The following GLIPR1L1 variants were observed in gnomAD, a reference collection of about 807,000 sequenced individuals.
The protein encoded by GLIPR1L1 is GLIPR1-like protein 1.
In GLIPR1L1, 26 loss-of-function variants were observed where a neutral mutation model predicts 29.9. The ratio of observed to expected loss-of-function variants is 0.87; its 90% CI spans 0.64 to 1.21. GLIPR1L1 has a LOEUF of 1.21. Among genes scored for constraint, GLIPR1L1 ranks in the 50% most tolerant of loss-of-function variants. GLIPR1L1 has a pLI of 0.00. For missense variants in GLIPR1L1, 305 were observed against 290.3 expected, an observed-to-expected ratio of 1.05 and a Z score of -0.37; for synonymous variants, 77 against 97.5, an observed-to-expected ratio of 0.79 and a Z score of 1.24.
intron 2 of GLIPR1L1, among the ~76,000 whole-genome samples, chr12:75,347,084 A>T (rs184306415): frequency 1.4e-3 from 220 of 151,812 alleles, no homozygotes; most frequent in African/African-American, 5.0e-3. Flanking sequence ...AGATAAAAAT[A>T]AAAATTCACC....
At chr12:75,358,825 T>A (rs945954979) in intron 3 of GLIPR1L1, among the ~76,000 whole-genome samples, 1 of 143,902 alleles carries the variant, frequency 6.9e-6, no homozygotes, top group Non-Finnish European at 1.5e-5. Flanking sequence ...TAAATATATA[T>A]AATATATAAC....
chr12:75,337,351 TA>T (rs35917340), intron 1 of GLIPR1L1, among the ~76,000 whole-genome samples: 124 of 151,440 alleles, frequency 8.2e-4, no homozygotes, highest in African/African-American at 2.9e-3. Flanking sequence ...AAACCAGTAG[TA>T]AAAAAAAGAT....
chr12:75,344,039 C>T (rs758708826), intron 2 of GLIPR1L1, 101 bp downstream of exon 2: 30 of 979,762 alleles, frequency 3.1e-5, no homozygotes, highest in Non-Finnish European at 4.2e-5. Flanking sequence ...TTTCTGGCTG[C>T]CTTTACATTT....
At chr12:75,342,635 T>C (rs1450354199) in intron 1 of GLIPR1L1, among the ~76,000 whole-genome samples, 1 of 152,166 alleles carries the variant, frequency 6.6e-6, no homozygotes, top group Non-Finnish European at 1.5e-5. Flanking sequence ...GTCTCCAGTT[T>C]TATTCTACAT....
chr12:75,363,309 T>C (rs1289022959), intron 4 of GLIPR1L1, 119 bp downstream of exon 4: 2 of 426,098 alleles, frequency 4.7e-6, no homozygotes, highest in Non-Finnish European at 8.3e-6. Context: ...ACTGTTGTTA[T>C]CTTACGATAT....
intron 1 of GLIPR1L1, 65 bp downstream of exon 1, chr12:75,334,967 T>C (rs2041622430): frequency 1.4e-6 from 2 of 1,453,226 alleles, no homozygotes. Flanking sequence ...GGGTGATAAA[T>C]TTCACGGACT....
chr12:75,366,752 G>A, intron 4 of GLIPR1L1: 1 of 629,382 alleles, frequency 1.6e-6, no homozygotes, highest in Non-Finnish European at 2.8e-6. Context: ...TTACCAATGA[G>A]TCATTTCCAC....
intron 3 of GLIPR1L1, among the ~76,000 whole-genome samples, chr12:75,361,578 G>T (rs982964066): frequency 6.6e-6 from 1 of 152,186 alleles, no homozygotes; most frequent in African/African-American, 2.4e-5. Flanking sequence ...GGAAAGAGAT[G>T]TAATTGACTC....
Position 75,347,648 on chromosome 12 carries a change from C to T in GLIPR1L1, c.447C>T (p.Val149=), listed in dbSNP as rs1381563455. 9 of 1,608,302 alleles carry T rather than the reference C, an allele frequency of 5.6e-6. No homozygotes were observed. The highest frequency in any genetic ancestry group is 3.3e-5 in the South Asian group (3 of 90,610). The change falls in exon 3 of 6, where the codon GTC becomes GTT. Residue 149 remains valine, a synonymous_variant. Coordinates refer to ENST00000378695, the MANE Select transcript of GLIPR1L1 (RefSeq NM_001304964.2). ...TAGTTTGGGCCAATTCATTTTATGT[C>T]GGTTGTGCAGTTGCAATGTGTCCTA... is the stretch of plus-strand genomic sequence containing the variant. The part of the protein sequence containing the change: ...TQLVWANSFY[V]GCAVAMCPNL...
At chr12:75,335,161 G>A (rs1311741499) in intron 1 of GLIPR1L1, among the ~76,000 whole-genome samples, 1 of 152,084 alleles carries the variant, frequency 6.6e-6, no homozygotes, top group Admixed American at 6.6e-5. Flanking sequence ...TTGCTTTGTT[G>A]CACCACTAAA....
At chr12:75,349,420 A>T (rs2042660652) in intron 3 of GLIPR1L1, among the ~76,000 whole-genome samples, 1 of 152,244 alleles carries the variant, frequency 6.6e-6, no homozygotes, top group African/African-American at 2.4e-5. Context: ...CACAATACCC[A>T]GCACCTAACA....
intron 3 of GLIPR1L1, among the ~76,000 whole-genome samples, chr12:75,353,063 T>A (rs1242950000): frequency 1.3e-5 from 2 of 151,820 alleles, no homozygotes; most frequent in African/African-American, 2.4e-5. Context: ...CAAATTGACA[T>A]CCTAACATCA....
At chr12:75,342,105 G>A (rs1314249231) in intron 1 of GLIPR1L1, among the ~76,000 whole-genome samples, 2 of 152,156 alleles carry the variant, frequency 1.3e-5, no homozygotes, top group African/African-American at 2.4e-5. Flanking sequence ...ATTGGTGATC[G>A]CCAGGGGTTA....
At chr12:75,350,642 A>G (rs903298697) in intron 3 of GLIPR1L1, among the ~76,000 whole-genome samples, 1 of 152,200 alleles carries the variant, frequency 6.6e-6, no homozygotes, top group Admixed American at 6.5e-5. Context: ...GAACAAACAG[A>G]AAGCAACAAC....
chr12:75,345,896 C>T (rs1248094315), intron 2 of GLIPR1L1, among the ~76,000 whole-genome samples: 2 of 152,184 alleles, frequency 1.3e-5, no homozygotes, highest in Non-Finnish European at 2.9e-5. Context: ...GAAAGGGGAG[C>T]TTACTCTTTA....
At chr12:75,359,666 G>C (rs1490213053) in intron 3 of GLIPR1L1, among the ~76,000 whole-genome samples, 1 of 152,000 alleles carries the variant, frequency 6.6e-6, no homozygotes, top group African/African-American at 2.4e-5. Context: ...ACAGAGATCA[G>C]AAATAGACTC....
Position 75,334,907 on chromosome 12 carries a change from G to A in GLIPR1L1, c.174+5G>A, listed in dbSNP as rs2041615613. 6.2e-7 allele frequency: 1 copy of A among 1,612,820 alleles called. No individual in the cohort carries two copies. Among genetic ancestry groups the A allele is most frequent in the Non-Finnish European group, 8.5e-7 (1 of 1,179,164 alleles). On this transcript the variant is annotated splice_donor_5th_base_variant and intron_variant, in intron 1 of 5. Coordinates refer to ENST00000378695, the MANE Select transcript of GLIPR1L1 (RefSeq NM_001304964.2). ...GCGGCCGACATGAAATACATGGTGA[G>A]AAAGAACCAGGGCTGGGCTCTTAAA...
intron 3 of GLIPR1L1, among the ~76,000 whole-genome samples, chr12:75,362,485 CA>C (rs1214609838): frequency 6.6e-6 from 1 of 152,088 alleles, no homozygotes; most frequent in Non-Finnish European, 1.5e-5. Flanking sequence ...TTGACCAACC[CA>C]AATGCCCATC....
At chr12:75,349,664 T>C (rs2042676284) in intron 3 of GLIPR1L1, among the ~76,000 whole-genome samples, 1 of 152,180 alleles carries the variant, frequency 6.6e-6, no homozygotes, top group Admixed American at 6.5e-5. Context: ...TGAGATTTTT[T>C]AGAAGTTAAA....
Sources: allele counts gnomAD v4.1 joint callset (sites outside exome capture counted in the v4.1 genomes callset), GRCh38; gene constraint gnomAD v4.1.1; transcripts MANE v1.5; gene names NCBI Gene and HGNC (gene_info 2026-07-23, HGNC 2026-07-21).